The following ELF2 variants were observed in gnomAD, a reference collection of about 807,000 sequenced individuals.
The protein encoded by ELF2 is E74 like ETS transcription factor 2, also known as ETS-related transcription factor Elf-2.
ELF2 carries 11 observed loss-of-function variants against 54.8 expected under a neutral mutation model. The observed-to-expected ratio is 0.20, with a 90% confidence interval of 0.13 to 0.33. The LOEUF (loss-of-function observed/expected upper bound fraction) is 0.33, where lower values mean the gene tolerates loss of function less well. Among genes scored for constraint, ELF2 ranks in the 10% least tolerant of loss-of-function variants. The probability of loss-of-function intolerance (pLI) is 1.00; values close to 1 mark genes in which losing one functional copy is unlikely to be tolerated. For synonymous variants in ELF2, 203 were observed against 245.1 expected, an observed-to-expected ratio of 0.83 and a Z score of 1.61; for missense variants, 513 against 703.0, an observed-to-expected ratio of 0.73 and a Z score of 3.06.
At chr4:139,130,979 G>T (rs1737433454) in intron 3 of ELF2, among the ~76,000 whole-genome samples, 2 of 152,142 alleles carry the variant, frequency 1.3e-5, no homozygotes, top group Admixed American at 1.3e-4. Flanking sequence ...TTTTATGGGA[G>T]AAAGGGGATG....
chr4:139,114,627 A>AT lies in ELF2; in HGVS notation c.238+10536dup, dbSNP rs70940493. On this transcript the variant is annotated intron_variant, in intron 4 of 9. Coordinates refer to ENST00000686138, the MANE Select transcript of ELF2 (RefSeq NM_001331036.3). ...AGGAGCATGCTCAGCACTGACATGG[A>AT]TTTTTTTTTTCTTTCTTTTTTTTTT... Among the ~76,000 whole-genome samples, 271 of 92,970 alleles carry AT rather than the reference A, an allele frequency of 2.9e-3. 2 individuals carry two copies. Among genetic ancestry groups the AT allele is most frequent in the East Asian group, 0.017 (46 of 2,638 alleles). 61.0% of individuals were successfully genotyped at this position (92,970 alleles called of 152,430 possible). A position where few individuals can be genotyped will look rare whatever the true frequency, so the allele number is the denominator to read the frequency against.
chr4:139,092,423 T>TAACA (rs1560800940), intron 4 of ELF2, among the ~76,000 whole-genome samples: 26 of 113,742 alleles, frequency 2.3e-4, no homozygotes, highest in Admixed American at 3.6e-4. Flanking sequence ...ATACATAACA[T>TAACA]AACATAACAT....
chr4:139,172,515 T>C (rs928315440), intron 1 of ELF2, among the ~76,000 whole-genome samples: 3 of 152,168 alleles, frequency 2.0e-5, no homozygotes, highest in African/African-American at 4.8e-5. Context: ...AGTATCTTAG[T>C]GCTAGTAACC....
At chr4:139,115,995 C>A (rs1735669531) in intron 4 of ELF2, among the ~76,000 whole-genome samples, 1 of 152,192 alleles carries the variant, frequency 6.6e-6, no homozygotes, top group Non-Finnish European at 1.5e-5. Flanking sequence ...GCGTCCACCA[C>A]CACGCCTGGC....
At chr4:139,072,532 G>A (rs938900997) in intron 5 of ELF2, among the ~76,000 whole-genome samples, 3 of 152,090 alleles carry the variant, frequency 2.0e-5, no homozygotes, top group Non-Finnish European at 4.4e-5. Context: ...ATATGAAAAG[G>A]AAAACTTGCT....
chr4:139,141,498 G>A (rs1205546020), intron 1 of ELF2, among the ~76,000 whole-genome samples: 1 of 152,190 alleles, frequency 6.6e-6, no homozygotes, highest in Non-Finnish European at 1.5e-5. Flanking sequence ...CATATGTGTT[G>A]TACAGTCAAG....
chr4:139,169,435 A>G (rs1360178585), intron 1 of ELF2, among the ~76,000 whole-genome samples: 1 of 151,998 alleles, frequency 6.6e-6, no homozygotes, highest in East Asian at 1.9e-4. Context: ...ACAAAAAAAT[A>G]CTTCTGCAAG....
chr4:139,132,039 T>A (rs1489087632), intron 3 of ELF2, among the ~76,000 whole-genome samples: 1 of 152,230 alleles, frequency 6.6e-6, no homozygotes, highest in Non-Finnish European at 1.5e-5. Flanking sequence ...CTGGAAAAAA[T>A]ACACCTCAAA....
chr4:139,134,932 A>G (rs983552619), intron 3 of ELF2, among the ~76,000 whole-genome samples: 3 of 151,954 alleles, frequency 2.0e-5, no homozygotes, highest in Non-Finnish European at 2.9e-5. Flanking sequence ...TACATTTTAT[A>G]TATTTATTAC....
At chr4:139,089,184 T>A (rs1218295794) in intron 4 of ELF2, among the ~76,000 whole-genome samples, 1 of 152,258 alleles carries the variant, frequency 6.6e-6, no homozygotes, top group Non-Finnish European at 1.5e-5. Context: ...AATAACCAAC[T>A]GATACCTAAA....
At chr4:139,083,726 C>A (rs1415328467) in intron 4 of ELF2, among the ~76,000 whole-genome samples, 1 of 152,254 alleles carries the variant, frequency 6.6e-6, no homozygotes, top group African/African-American at 2.4e-5. Flanking sequence ...TCCGGCCAGA[C>A]AGCGTGGCAG....
chr4:139,093,217 G>A (rs560084901), intron 4 of ELF2, among the ~76,000 whole-genome samples: 2 of 151,624 alleles, frequency 1.3e-5, no homozygotes, highest in Non-Finnish European at 2.9e-5. Context: ...CGCCCACCTC[G>A]GCCTCCCAAA....
intron 3 of ELF2, among the ~76,000 whole-genome samples, chr4:139,130,228 AC>A (rs1359490460): frequency 6.6e-6 from 1 of 151,900 alleles, no homozygotes; most frequent in African/African-American, 2.4e-5. Flanking sequence ...TCAAAAAAAA[AC>A]AAACAACAAT....
intron 3 of ELF2, among the ~76,000 whole-genome samples, chr4:139,130,619 G>C (rs1737396250): frequency 6.6e-6 from 1 of 152,072 alleles, no homozygotes; most frequent in Admixed American, 6.6e-5. Context: ...TATTACCACT[G>C]TTCATTGTCC....
chr4:139,137,982 C>T lies in ELF2; in HGVS notation c.-166-115G>A, dbSNP rs552337768. The T allele has an allele frequency of 2.9e-5, 20 of 678,172 alleles. No homozygotes were observed. The South Asian group carries it at 8.7e-4, about 30-fold the overall frequency. 42.0% of individuals were successfully genotyped at this position (678,172 alleles called of 1,614,324 possible). A position where few individuals can be genotyped will look rare whatever the true frequency, so the allele number is the denominator to read the frequency against. ...ACTTAACTAAGAAAAAGAAGACAGG[C>T]TTAACATCCCCGTGTCAAAAGAGGG... On this transcript the variant is annotated intron_variant, in intron 2 of 9. Coordinates refer to ENST00000686138, the MANE Select transcript of ELF2 (RefSeq NM_001331036.3).
chr4:139,123,080 A>G (rs1736550809), intron 4 of ELF2, among the ~76,000 whole-genome samples: 1 of 151,220 alleles, frequency 6.6e-6, no homozygotes, highest in Non-Finnish European at 1.5e-5. Context: ...GCTACTGGGG[A>G]GGCTGAGGCA....
intron 1 of ELF2, among the ~76,000 whole-genome samples, chr4:139,174,394 A>C (rs1742694486): frequency 1.3e-5 from 2 of 152,318 alleles, no homozygotes; most frequent in South Asian, 4.1e-4. Flanking sequence ...TAATGATAGA[A>C]AGTCGATCAG....
intron 4 of ELF2, chr4:139,084,501 T>G (rs1486425402): frequency 3.3e-5 from 29 of 877,666 alleles, no homozygotes; most frequent in Non-Finnish European, 9.8e-6. Context: ...AACGCGATCC[T>G]TCCGCCCCGC....
chr4:139,067,441 T>C, intron 7 of ELF2: 1 of 438,630 alleles, frequency 2.3e-6, no homozygotes, highest in Non-Finnish European at 4.1e-6. Context: ...TTTGGACTTT[T>C]TCCAAGTCCC....
Sources: gnomAD v4.1 joint callset for allele counts (sites outside exome capture counted in the v4.1 genomes callset) on GRCh38, gnomAD v4.1.1 for gene constraint, MANE v1.5 for transcripts, NCBI Gene and HGNC (gene_info 2026-07-23, HGNC 2026-07-21) for gene names.